RNF150: variants seen among roughly 807,000 people sequenced by gnomAD.
RNF150 encodes ring finger protein 150.
A neutral mutation model predicts 39.3 loss-of-function variants in RNF150; 24 were observed. The ratio of observed to expected loss-of-function variants is 0.61; its 90% CI spans 0.44 to 0.86. RNF150 has a LOEUF of 0.86. RNF150 is among the 40% of genes least tolerant of loss of function. RNF150 has a pLI of 0.00. For missense variants in RNF150, 502 were observed against 587.8 expected (o/e 0.85, Z 1.51); for synonymous variants, 255 against 227.3 (o/e 1.12, Z -1.10).
intron 1 of RNF150, among the ~76,000 whole-genome samples, chr4:141,181,933 C>T (rs1727915456): frequency 6.6e-6 from 1 of 152,108 alleles, no homozygotes; most frequent in South Asian, 2.1e-4. Flanking sequence ...GGTTTATTTA[C>T]CTGTTACCTT....
intron 1 of RNF150, among the ~76,000 whole-genome samples, chr4:141,090,658 G>A (rs1318911408): frequency 6.6e-6 from 1 of 152,198 alleles, no homozygotes; most frequent in African/African-American, 2.4e-5. Context: ...TGGGTTCATG[G>A]CCTCAGATGG....
intron 1 of RNF150, among the ~76,000 whole-genome samples, chr4:140,982,948 C>G (rs910562237): frequency 6.6e-6 from 1 of 152,120 alleles, no homozygotes; most frequent in Non-Finnish European, 1.5e-5. Context: ...GTTCTGGCAT[C>G]GAATTTTCAT....
chr4:140,989,048 G>A (rs776889108), intron 1 of RNF150, among the ~76,000 whole-genome samples: 1 of 152,024 alleles, frequency 6.6e-6, no homozygotes, highest in Admixed American at 6.6e-5. Flanking sequence ...AAGCATTTTG[G>A]TTGCCCCTCC....
intron 1 of RNF150, among the ~76,000 whole-genome samples, chr4:141,160,801 GT>G (rs1727497396): frequency 6.6e-6 from 1 of 152,202 alleles, no homozygotes; most frequent in South Asian, 2.1e-4. Context: ...GTGATTGAAA[GT>G]TTCTTGAAGC....
intron 1 of RNF150, among the ~76,000 whole-genome samples, chr4:141,057,724 A>C (rs1737039709): frequency 6.6e-6 from 1 of 151,762 alleles, no homozygotes; most frequent in African/African-American, 2.4e-5. Context: ...TCTTTGCTGG[A>C]CCCCCTGTAT....
chr4:140,916,167 C>A (rs1275224929), intron 5 of RNF150, among the ~76,000 whole-genome samples: 2 of 152,186 alleles, frequency 1.3e-5, no homozygotes, highest in Non-Finnish European at 2.9e-5. Flanking sequence ...TGCAGCTCCT[C>A]ACCAGCAATG....
intron 6 of RNF150, among the ~76,000 whole-genome samples, chr4:140,886,461 T>C (rs1485978961): frequency 6.6e-6 from 1 of 152,178 alleles, no homozygotes; most frequent in African/African-American, 2.4e-5. Context: ...CATTTTTAAA[T>C]TGGGTTGTTT....
intron 1 of RNF150, among the ~76,000 whole-genome samples, chr4:141,045,708 TA>T: frequency 6.6e-6 from 1 of 152,106 alleles, no homozygotes; most frequent in South Asian, 2.1e-4. Context: ...CATGTCCAGC[TA>T]ATTTTTGTAT....
chr4:140,947,774 G>C (rs1732379967), intron 3 of RNF150, 38 bp from the exon 4 acceptor site: 1 of 1,392,448 alleles, frequency 7.2e-7, no homozygotes, highest in South Asian at 1.3e-5. Flanking sequence ...TATTTTCTTA[G>C]CTTCATCTCT....
At chr4:140,961,337 G>A (rs1733016299) in intron 2 of RNF150, among the ~76,000 whole-genome samples, 1 of 152,112 alleles carries the variant, frequency 6.6e-6, no homozygotes, top group Non-Finnish European at 1.5e-5. Flanking sequence ...TCTTTTAATT[G>A]TGATCTGCAC....
intron 1 of RNF150, among the ~76,000 whole-genome samples, chr4:141,070,439 C>T (rs1434707696): frequency 3.4e-5 from 5 of 147,634 alleles, no homozygotes; most frequent in East Asian, 4.0e-4. Flanking sequence ...TCAGAGTGAA[C>T]AGGCAACCTA....
intron 1 of RNF150, among the ~76,000 whole-genome samples, chr4:141,046,357 A>G (rs1736575759): frequency 6.6e-6 from 1 of 152,176 alleles, no homozygotes; most frequent in South Asian, 2.1e-4. Flanking sequence ...TCATGACTGG[A>G]CTAGAGTACA....
At chr4:140,930,909 C>T (rs1731606993) in intron 4 of RNF150, among the ~76,000 whole-genome samples, 1 of 100,824 alleles carries the variant, frequency 9.9e-6, no homozygotes, top group Admixed American at 1.3e-4. Flanking sequence ...CTGTTAACGA[C>T]AATGGAAAGG....
intron 1 of RNF150, among the ~76,000 whole-genome samples, chr4:141,028,430 T>A (rs762923666): frequency 2.0e-5 from 3 of 152,122 alleles, no homozygotes; most frequent in Non-Finnish European, 4.4e-5. Context: ...AGCTTGACAG[T>A]TTAAAAAAGA....
chr4:141,078,112 A>C (rs971558543), intron 1 of RNF150, among the ~76,000 whole-genome samples: 1 of 152,172 alleles, frequency 6.6e-6, no homozygotes, highest in East Asian at 1.9e-4. Flanking sequence ...AAATGTCATC[A>C]TGCTCTAAAA....
chr4:141,104,895 G>A (rs1031394496), intron 1 of RNF150, among the ~76,000 whole-genome samples: 3 of 151,068 alleles, frequency 2.0e-5, no homozygotes, highest in Non-Finnish European at 3.0e-5. Flanking sequence ...TGATGAGGCT[G>A]TCTCTCTCTC....
chr4:140,865,227 A>C lies in RNF150; in HGVS notation c.*3034T>G, dbSNP rs1180922798. The C allele has an allele frequency of 6.6e-6, 1 of 152,206 alleles. No homozygotes were observed. Among genetic ancestry groups the C allele is most frequent in the Non-Finnish European group, 1.5e-5 (1 of 68,030 alleles). 9.4% of individuals were successfully genotyped at this position (152,206 alleles called of 1,614,324 possible). A position where few individuals can be genotyped will look rare whatever the true frequency, so the allele number is the denominator to read the frequency against. ...GACATGTTGAAACAATATTAGGTTAAAGTACATGATTAAAATTATCTTTAC... is the reference window on the plus strand; with the variant it reads ...GACATGTTGAAACAATATTAGGTTACAGTACATGATTAAAATTATCTTTAC... On this transcript the variant is annotated 3_prime_UTR_variant, in exon 7 of 7. Transcript: ENST00000515673.
intron 1 of RNF150, among the ~76,000 whole-genome samples, chr4:141,092,694 C>G (rs142293119): frequency 6.6e-6 from 1 of 151,920 alleles, no homozygotes; most frequent in East Asian, 1.9e-4. Context: ...CTTCTAATTC[C>G]AAATCCCATC....
chr4:140,893,326 ATG>A (rs1453492576), intron 6 of RNF150, among the ~76,000 whole-genome samples: 2 of 152,212 alleles, frequency 1.3e-5, no homozygotes, highest in African/African-American at 2.4e-5. Context: ...TATCACTTGA[ATG>A]TACTGAATAA....
Sources: gnomAD v4.1 joint callset for allele counts (sites outside exome capture counted in the v4.1 genomes callset) on GRCh38, gnomAD v4.1.1 for gene constraint, MANE v1.5 for transcripts, NCBI Gene and HGNC (gene_info 2026-07-23, HGNC 2026-07-21) for gene names.